CAMSAP1: variants seen among roughly 807,000 people sequenced by gnomAD.
CAMSAP1 encodes the protein calmodulin regulated spectrin associated protein 1.
Under a neutral mutation model 143.5 loss-of-function variants are expected in CAMSAP1, and 58 were observed. That is an observed-to-expected ratio of 0.40 (90% CI 0.33 to 0.50). The LOEUF (loss-of-function observed/expected upper bound fraction) is 0.50. CAMSAP1 is among the 20% of genes least tolerant of loss of function. The pLI is 0.45. For synonymous variants in CAMSAP1, 945 were observed against 859.3 expected (o/e 1.10, Z -1.74); for missense variants, 1,969 against 2,115.7 (o/e 0.93, Z 1.36).
intron 1 of CAMSAP1, among the ~76,000 whole-genome samples, chr9:135,894,495 T>C (rs1404002408): frequency 6.6e-6 from 1 of 152,180 alleles, no homozygotes; most frequent in Non-Finnish European, 1.5e-5. Context: ...GAGACTCCCA[T>C]GTCCATCCAG....
At chr9:135,843,080 C>G (rs1836418663) in intron 7 of CAMSAP1, among the ~76,000 whole-genome samples, 1 of 152,058 alleles carries the variant, frequency 6.6e-6, no homozygotes, top group South Asian at 2.1e-4. Flanking sequence ...GTAATCCCAG[C>G]ACCTTGGAAG....
intron 1 of CAMSAP1, among the ~76,000 whole-genome samples, chr9:135,903,845 C>T (rs1246591057): frequency 1.3e-5 from 2 of 152,000 alleles, no homozygotes; most frequent in Middle Eastern, 3.2e-3. Flanking sequence ...AAAGCAAATG[C>T]TGCTGGATTA....
intron 1 of CAMSAP1, among the ~76,000 whole-genome samples, chr9:135,898,411 G>C (rs1014640277): frequency 6.6e-6 from 1 of 152,172 alleles, no homozygotes; most frequent in Non-Finnish European, 1.5e-5. Context: ...TTGGGAGGCT[G>C]AGATGGAAGA....
chr9:135,900,946 G>A (rs978078765), intron 1 of CAMSAP1, among the ~76,000 whole-genome samples: 1 of 151,902 alleles, frequency 6.6e-6, no homozygotes, highest in Non-Finnish European at 1.5e-5. Context: ...TAGAGACGGG[G>A]TTTCACCATG....
chr9:135,884,426 G>A (rs560310400), intron 1 of CAMSAP1, among the ~76,000 whole-genome samples: 3 of 152,152 alleles, frequency 2.0e-5, no homozygotes, highest in South Asian at 4.2e-4. Flanking sequence ...CTTCATTATG[G>A]TCCCATGGAG....
At chr9:135,858,866 G>C (rs995536720) in intron 5 of CAMSAP1, among the ~76,000 whole-genome samples, 5 of 152,264 alleles carry the variant, frequency 3.3e-5, no homozygotes, top group African/African-American at 9.6e-5. Context: ...GACAGGAAGA[G>C]AGAAGGTGCC....
rs780045129 is a variant in CAMSAP1, at chr9:135,811,774, C to T, written c.4507-163G>A. Among the ~76,000 whole-genome samples the T allele has an allele frequency of 2.4e-4, 36 of 152,292 alleles. No individual in the cohort carries two copies. Among genetic ancestry groups the T allele is most frequent in the Non-Finnish European group, 4.1e-4 (28 of 68,022 alleles). ...TAAACAATTACAGCAGACCCCTGTA[C>T]GGGAGCATTATATGCCATTGAGACT... On this transcript the variant is annotated intron_variant, in intron 16 of 16. Transcript: ENST00000389532. The surrounding 1 kb of genome is among the most constrained non-coding windows in gnomAD (Gnocchi z 4.9).
At chr9:135,838,295 ACAT>A (rs1192787089) in intron 7 of CAMSAP1, among the ~76,000 whole-genome samples, 1 of 149,944 alleles carries the variant, frequency 6.7e-6, no homozygotes, top group Non-Finnish European at 1.5e-5. Context: ...GTACAGACAC[ACAT>A]CATCACGCAC....
At position 135,823,986 on chromosome 9, in the gene CAMSAP1, C is replaced by T. The variant is rs377507765; in HGVS notation, c.1364G>A (p.Arg455Gln). Reference sequence around the variant, plus strand: ...TTCTGGCCAGGCTATTGCTGCTCCTCGAGGCTGACCATCAACTCGGGTCAA... The same window carrying T: ...TTCTGGCCAGGCTATTGCTGCTCCTTGAGGCTGACCATCAACTCGGGTCAA... ...NSLTRVDGQP[R>Q]GAAIAWPEKK... The change falls in exon 10 of 17, where the codon CGA becomes CAA. Residue 455 changes from arginine (R) to glutamine (Q), a missense_variant. Physicochemically the swap from Arg to Gln is conservative, Grantham distance 43 (BLOSUM62 1). Around this residue, in one of 4 missense-constraint regions of CAMSAP1, gnomAD observed 1,390 missense variants for 1,420.8 expected, o/e 0.98. Coordinates refer to ENST00000389532, the MANE Select transcript of CAMSAP1 (RefSeq NM_015447.4). The T allele has an allele frequency of 1.4e-5, 22 of 1,589,384 alleles. No homozygotes were observed. In the South Asian group the frequency reaches 2.3e-4, roughly 17 times the overall value.
chr9:135,849,411 T>C (rs181373291), intron 7 of CAMSAP1, among the ~76,000 whole-genome samples: 8 of 152,314 alleles, frequency 5.3e-5, no homozygotes, highest in Admixed American at 1.3e-4. Flanking sequence ...CTGGGTGTCA[T>C]CTTTAATTTG....
rs895022707 is a variant in CAMSAP1, at chr9:135,907,221, C to G, written c.-62G>C. On this transcript the variant is annotated 5_prime_UTR_variant, in exon 1 of 17. Transcript: ENST00000389532. The stretch of plus-strand genomic sequence containing the variant: ...ACAAAGGCGCCGCCGCCCCTCGCCG[C>G]GCCGGGCCCGGTGCGCCCCGAGCCA... 3 of 1,003,110 alleles carry G rather than the reference C, an allele frequency of 3.0e-6. No homozygotes were observed. The highest frequency in any genetic ancestry group is 4.7e-4 in the Middle Eastern group (1 of 2,108). The allele number at this position is 1,003,110 out of a possible 1,614,324, so 62.1% of individuals were successfully genotyped here.
chr9:135,812,819 A>G (rs1408615694), intron 16 of CAMSAP1, among the ~76,000 whole-genome samples: 1 of 152,138 alleles, frequency 6.6e-6, no homozygotes. Flanking sequence ...GGATACAAAA[A>G]TTAGCCAGGC....
At chr9:135,897,419 G>T (rs1838488353) in intron 1 of CAMSAP1, among the ~76,000 whole-genome samples, 1 of 152,080 alleles carries the variant, frequency 6.6e-6, no homozygotes, top group East Asian at 1.9e-4. Context: ...TTCCCAAAGT[G>T]CTTGGATTAC....
chr9:135,857,538 C>T (rs1837022316), intron 5 of CAMSAP1, among the ~76,000 whole-genome samples: 1 of 152,196 alleles, frequency 6.6e-6, no homozygotes, highest in East Asian at 1.9e-4. Flanking sequence ...TTCCCAGAGT[C>T]CTGTTGTTGG....
intron 1 of CAMSAP1, among the ~76,000 whole-genome samples, chr9:135,892,791 C>T (rs928054244): frequency 2.3e-5 from 3 of 130,042 alleles, no homozygotes; most frequent in African/African-American, 8.9e-5. Context: ...GCAGAGGTTG[C>T]AGTAATCCAA....
intron 5 of CAMSAP1, among the ~76,000 whole-genome samples, chr9:135,856,000 C>A (rs890440276): frequency 1.3e-5 from 2 of 148,488 alleles, no homozygotes; most frequent in African/African-American, 5.0e-5. Context: ...TGCAGTGAGC[C>A]GAGATCGTAC....
intron 7 of CAMSAP1, among the ~76,000 whole-genome samples, chr9:135,839,762 A>G (rs1019690305): frequency 6.6e-6 from 1 of 152,118 alleles, no homozygotes; most frequent in African/African-American, 2.4e-5. Context: ...AGGCATACAC[A>G]GCCCAGACCC....
chr9:135,848,887 T>C (rs887740036), intron 7 of CAMSAP1, among the ~76,000 whole-genome samples: 11 of 152,218 alleles, frequency 7.2e-5, no homozygotes, highest in African/African-American at 2.7e-4. Context: ...CCCACAGGAC[T>C]GGGTAACACT....
rs890963802 is a variant in CAMSAP1, at chr9:135,810,022, C to G, written c.*1287G>C. On this transcript the variant is annotated 3_prime_UTR_variant, in exon 17 of 17. Coordinates refer to ENST00000389532, the MANE Select transcript of CAMSAP1 (RefSeq NM_015447.4). The stretch of plus-strand genomic sequence containing the variant: ...TTGAGATAGATTCAAGTAACACTCC[C>G]AAGAAAATATGTGCAAAACTAATGT... The G allele has an allele frequency of 6.6e-6, 1 of 152,574 alleles. No homozygotes were observed. Among genetic ancestry groups the G allele is most frequent in the African/African-American group, 2.4e-5 (1 of 41,434 alleles). The allele number at this position is 152,574 out of a possible 1,614,324, so 9.5% of individuals were successfully genotyped here.
Sources: gnomAD v4.1 joint callset for allele counts (sites outside exome capture counted in the v4.1 genomes callset) on GRCh38, gnomAD v4.1.1 for gene constraint, gnomAD v4.1.1 regional missense constraint, Gnocchi (gnomAD v3.1) non-coding constraint, MANE v1.5 for transcripts, NCBI Gene and HGNC (gene_info 2026-07-23, HGNC 2026-07-21) for gene names.